SCN9A: variants seen among roughly 807,000 people sequenced by gnomAD.
SCN9A encodes sodium channel protein type 9 subunit alpha.
Under a neutral mutation model 187.0 loss-of-function variants are expected in SCN9A, and 131 were observed. That is an observed-to-expected ratio of 0.70 (90% CI 0.61 to 0.81). SCN9A has a LOEUF of 0.81. Ranked by LOEUF, SCN9A falls within the 30% of genes least tolerant of loss-of-function variation. The pLI is 0.00. For synonymous variants in SCN9A, 809 were observed against 808.6 expected (o/e 1.00, Z -0.01); for missense variants, 2,252 against 2,396.6 (o/e 0.94, Z 1.26).
At chr2:166,289,947 A>G (rs1012347401) in intron 9 of SCN9A, among the ~76,000 whole-genome samples, 1 of 152,094 alleles carries the variant, frequency 6.6e-6, no homozygotes, top group African/African-American at 2.4e-5. Flanking sequence ...TGTGAAGAAC[A>G]TGCAGGTTGG....
At chr2:166,217,602 T>A (rs1213297736) in intron 24 of SCN9A, among the ~76,000 whole-genome samples, 1 of 152,100 alleles carries the variant, frequency 6.6e-6, no homozygotes, top group East Asian at 1.9e-4. Context: ...CCAATAGATA[T>A]ATTAAAAAAT....
intron 24 of SCN9A, among the ~76,000 whole-genome samples, chr2:166,217,983 G>A (rs1447659950): frequency 6.6e-6 from 1 of 151,942 alleles, no homozygotes; most frequent in Non-Finnish European, 1.5e-5. Flanking sequence ...TGGTGCAAAT[G>A]TAATTGCAGT....
At chr2:166,228,277 A>T (rs1694927364) in intron 22 of SCN9A, among the ~76,000 whole-genome samples, 1 of 109,314 alleles carries the variant, frequency 9.1e-6, no homozygotes, top group African/African-American at 3.8e-5. Context: ...TTTTTTTGAG[A>T]CAAGAGTCTC....
intron 1 of SCN9A, among the ~76,000 whole-genome samples, chr2:166,328,599 T>A (rs1699423657): frequency 6.6e-6 from 1 of 152,148 alleles, no homozygotes; most frequent in Non-Finnish European, 1.5e-5. Context: ...TTAATCATTG[T>A]ACTAAAATAT....
chr2:166,327,690 A>G (rs1304674670), intron 1 of SCN9A, among the ~76,000 whole-genome samples: 1 of 152,042 alleles, frequency 6.6e-6, no homozygotes, highest in Non-Finnish European at 1.5e-5. Flanking sequence ...TCCTCACTAC[A>G]ACACCTCAAT....
chr2:166,216,861 T>C (rs959581348), intron 24 of SCN9A, among the ~76,000 whole-genome samples: 2 of 152,024 alleles, frequency 1.3e-5, no homozygotes, highest in Admixed American at 1.3e-4. Flanking sequence ...CTAATGTCAG[T>C]TTTCACAGAA....
chr2:166,240,074 G>A (rs1476601256), intron 19 of SCN9A, among the ~76,000 whole-genome samples: 1 of 152,198 alleles, frequency 6.6e-6, no homozygotes, highest in African/African-American at 2.4e-5. Flanking sequence ...GATTTTAGAT[G>A]TCAATTCAGT....
chr2:166,355,222 G>T (rs181079869), intron 1 of SCN9A, among the ~76,000 whole-genome samples: 1 of 151,958 alleles, frequency 6.6e-6, no homozygotes, highest in Non-Finnish European at 1.5e-5. Flanking sequence ...ACAGGCATGA[G>T]CCACCACACC....
intron 1 of SCN9A, among the ~76,000 whole-genome samples, chr2:166,315,373 T>C (rs1476131878): frequency 6.6e-6 from 1 of 152,184 alleles, no homozygotes; most frequent in East Asian, 1.9e-4. Context: ...TTCTCCTCTG[T>C]CTCTGTCTCC....
chr2:166,251,706 A>G (rs1269673033), intron 18 of SCN9A, 59 bp downstream of exon 18: 4 of 1,599,304 alleles, frequency 2.5e-6, no homozygotes, highest in Non-Finnish European at 3.4e-6. Flanking sequence ...TTAGGCGTTA[A>G]GACAAACCCC....
In SCN9A at chr2:166,261,056, T is replaced by C. The variant is rs1696483163; in HGVS notation, c.3352-9171A>G. On this transcript the variant is annotated intron_variant, in intron 17 of 26. Coordinates refer to ENST00000642356, the MANE Select transcript of SCN9A (RefSeq NM_001365536.1). ...TAATTTTATACAATATGTTTCAAAGTATAACATTACAATTGATGCATATTA... is the reference window on the plus strand; with the variant it reads ...TAATTTTATACAATATGTTTCAAAGCATAACATTACAATTGATGCATATTA... 5.3e-5 allele frequency among the ~76,000 whole-genome samples: 8 copies of C among 152,002 alleles called. No individual in the cohort carries two copies. The South Asian group carries it at 1.7e-3, about 32-fold the overall frequency.
intron 9 of SCN9A, among the ~76,000 whole-genome samples, chr2:166,290,162 C>T (rs1016974442): frequency 2.0e-5 from 3 of 151,748 alleles, no homozygotes; most frequent in Admixed American, 1.3e-4. Context: ...TGAGAACATG[C>T]AGTGTTTGGT....
At chr2:166,259,993 C>T (rs1385837123) in intron 17 of SCN9A, among the ~76,000 whole-genome samples, 1 of 151,714 alleles carries the variant, frequency 6.6e-6, no homozygotes, top group African/African-American at 2.4e-5. Flanking sequence ...AACAGCATAA[C>T]TGTAACTAAT....
intron 21 of SCN9A, 126 bp downstream of exon 21, chr2:166,233,214 C>A: frequency 1.7e-6 from 1 of 578,098 alleles, no homozygotes; most frequent in Non-Finnish European, 2.8e-6. Context: ...TATGTACACA[C>A]ACATACATAA....
chr2:166,334,806 T>C (rs1699588329), intron 1 of SCN9A, among the ~76,000 whole-genome samples: 2 of 152,170 alleles, frequency 1.3e-5, no homozygotes, highest in Non-Finnish European at 2.9e-5. Flanking sequence ...AAAATACTTG[T>C]AGCACAATTC....
intron 1 of SCN9A, among the ~76,000 whole-genome samples, chr2:166,341,092 CCT>C (rs1559051461): frequency 2.6e-5 from 4 of 151,960 alleles, no homozygotes. Flanking sequence ...ATTGACCTTA[CCT>C]TTTTAGAAGA....
chr2:166,311,805 G>T lies in SCN9A; in HGVS notation c.-49C>A, dbSNP rs200341902. 2 of 1,491,156 alleles carry T rather than the reference G, an allele frequency of 1.3e-6. No homozygotes were observed. The highest frequency in any genetic ancestry group is 1.4e-5 in the African/African-American group (1 of 71,436). 92.4% of individuals were successfully genotyped at this position (1,491,156 alleles called of 1,614,324 possible). ...TCCTCTTCAGCTCCTCACATAAGAG[G>T]CCTGGATGGAAACAAAGAAATAAAG... On this transcript the variant is annotated splice_region_variant and 5_prime_UTR_variant, in exon 2 of 27. Coordinates refer to ENST00000642356, the MANE Select transcript of SCN9A (RefSeq NM_001365536.1).
intron 1 of SCN9A, among the ~76,000 whole-genome samples, chr2:166,341,998 G>T (rs1011093582): frequency 1.3e-5 from 2 of 152,128 alleles, no homozygotes; most frequent in African/African-American, 4.8e-5. Flanking sequence ...CATAGGGAGG[G>T]TTGCAGACTT....
chr2:166,305,617 T>C (rs1444142950), intron 5 of SCN9A, among the ~76,000 whole-genome samples, 175 bp downstream of exon 5: 1 of 152,084 alleles, frequency 6.6e-6, no homozygotes, highest in Non-Finnish European at 1.5e-5. Flanking sequence ...GATAGTCTTT[T>C]TGAAAAATTT....
Sources: allele counts gnomAD v4.1 joint callset (sites outside exome capture counted in the v4.1 genomes callset), GRCh38; gene constraint gnomAD v4.1.1; transcripts MANE v1.5; gene names NCBI Gene and HGNC (gene_info 2026-07-23, HGNC 2026-07-21).